FARS2: variants seen among roughly 807,000 people sequenced by gnomAD.
FARS2 encodes the protein phenylalanine--tRNA ligase, mitochondrial.
FARS2 carries 40 observed loss-of-function variants against 46.4 expected under a neutral mutation model. The observed-to-expected ratio is 0.86, with a 90% CI of 0.67 to 1.12. FARS2 has a LOEUF of 1.12. Among genes scored for constraint, FARS2 ranks in the 50% most tolerant of loss-of-function variants. FARS2 has a pLI of 0.00. For synonymous variants in FARS2, 234 were observed against 214.9 expected (o/e 1.09, Z -0.78); for missense variants, 513 against 567.9 (o/e 0.90, Z 0.98).
intron 1 of FARS2, among the ~76,000 whole-genome samples, chr6:5,362,927 C>CT (rs55686418): frequency 0.23 from 28,232 of 124,024 alleles, 3,607 homozygotes; most frequent in East Asian, 0.28. Context: ...TTCTTTCTTT[C>CT]TTTTTTTTTT....
chr6:5,617,152 T>TA (rs1481631009), intron 6 of FARS2, among the ~76,000 whole-genome samples: 5 of 151,784 alleles, frequency 3.3e-5, no homozygotes, highest in South Asian at 2.1e-4. Context: ...AATATTTTTC[T>TA]AAAAAAAATA....
upstream of FARS2, among the ~76,000 whole-genome samples, chr6:5,257,442 C>T: frequency 6.6e-6 from 1 of 152,224 alleles, no homozygotes; most frequent in East Asian, 1.9e-4. Flanking sequence ...CTGTGTCCCA[C>T]ATAGGCCTGT....
intron 4 of FARS2, among the ~76,000 whole-genome samples, chr6:5,501,737 C>T (rs1007484981): frequency 2.0e-5 from 3 of 152,116 alleles, no homozygotes; most frequent in African/African-American, 4.8e-5. Context: ...TCAAGTGGTC[C>T]GCCCGCCTCA....
At chr6:5,666,384 C>T (rs1049653491) in intron 6 of FARS2, among the ~76,000 whole-genome samples, 4 of 152,284 alleles carry the variant, frequency 2.6e-5, no homozygotes, top group African/African-American at 9.6e-5. Flanking sequence ...GAAAGAAATG[C>T]CACCAACCTG....
At chr6:5,501,984 A>G (rs1394222577) in intron 4 of FARS2, among the ~76,000 whole-genome samples, 1 of 152,176 alleles carries the variant, frequency 6.6e-6, no homozygotes, top group Admixed American at 6.5e-5. Flanking sequence ...CTCTTCTCCC[A>G]GGCCTTTCAC....
intron 4 of FARS2, among the ~76,000 whole-genome samples, chr6:5,464,731 A>G (rs923916894): frequency 1.3e-5 from 2 of 152,216 alleles, no homozygotes; most frequent in Non-Finnish European, 2.9e-5. Flanking sequence ...GTACATTTTT[A>G]TAATACATGA....
chr6:5,309,025 C>T (rs188587134), intron 1 of FARS2, among the ~76,000 whole-genome samples: 36 of 152,292 alleles, frequency 2.4e-4, no homozygotes, highest in Admixed American at 3.9e-4. Flanking sequence ...CCACTGGCCC[C>T]ATCTCCAAGT....
rs1267324488 is a variant in FARS2, at chr6:5,663,374, A to G, written c.1217+50054A>G. Reference sequence around the variant, plus strand: ...AACTTTCAAAAAAATTCTTCCCAATATCTGTTTGGATGGAATCATTTGCCG... The same window carrying G: ...AACTTTCAAAAAAATTCTTCCCAATGTCTGTTTGGATGGAATCATTTGCCG... On this transcript the variant is annotated intron_variant, in intron 6 of 6. Transcript: ENST00000274680. Among the ~76,000 whole-genome samples the G allele has an allele frequency of 2.5e-4, 38 of 152,150 alleles. 1 individual carries two copies. The highest frequency in any genetic ancestry group is 2.5e-3 in the Admixed American group (38 of 15,278).
intron 6 of FARS2, among the ~76,000 whole-genome samples, chr6:5,633,134 T>C (rs1243137544): frequency 6.6e-6 from 1 of 151,646 alleles, no homozygotes; most frequent in Non-Finnish European, 1.5e-5. Context: ...ATCCAGAGAG[T>C]TTGTTTTGTT....
At chr6:5,445,316 G>A (rs963661836) in intron 4 of FARS2, among the ~76,000 whole-genome samples, 19 of 152,164 alleles carry the variant, frequency 1.2e-4, no homozygotes, top group Non-Finnish European at 1.9e-4. Flanking sequence ...CAGTGGCTCA[G>A]TTTTATTTTC....
At chr6:5,657,233 T>C (rs1777644963) in intron 6 of FARS2, among the ~76,000 whole-genome samples, 1 of 152,156 alleles carries the variant, frequency 6.6e-6, no homozygotes, top group South Asian at 2.1e-4. Flanking sequence ...ATTGTTCAGC[T>C]TCCACCCCCC....
chr6:5,634,263 A>G (rs1437020811), intron 6 of FARS2, among the ~76,000 whole-genome samples: 1 of 152,206 alleles, frequency 6.6e-6, no homozygotes, highest in Non-Finnish European at 1.5e-5. Context: ...CAATAAGTGA[A>G]TCTTTTACAA....
intron 6 of FARS2, among the ~76,000 whole-genome samples, chr6:5,744,281 C>T (rs1761520700): frequency 6.6e-6 from 1 of 152,166 alleles, no homozygotes; most frequent in African/African-American, 2.4e-5. Flanking sequence ...GCAGGACAAC[C>T]CTGTCCTCCT....
At chr6:5,576,125 A>G (rs1398072444) in intron 5 of FARS2, among the ~76,000 whole-genome samples, 1 of 152,166 alleles carries the variant, frequency 6.6e-6, no homozygotes, top group Non-Finnish European at 1.5e-5. Context: ...AGCATCCATT[A>G]ATGTTTTCTG....
At chr6:5,297,415 A>G (rs1449733842) in intron 1 of FARS2, among the ~76,000 whole-genome samples, 3 of 152,352 alleles carry the variant, frequency 2.0e-5, no homozygotes, top group Admixed American at 6.5e-5. Flanking sequence ...TGGGGGGCCA[A>G]GGCGGGTGGA....
At chr6:5,317,827 A>T (rs1349648973) in intron 1 of FARS2, among the ~76,000 whole-genome samples, 1 of 151,686 alleles carries the variant, frequency 6.6e-6, no homozygotes, top group Non-Finnish European at 1.5e-5. Context: ...AATTTTTCTC[A>T]GACAAGGTTT....
intron 3 of FARS2, among the ~76,000 whole-genome samples, chr6:5,417,286 G>A (rs1762293510): frequency 6.6e-6 from 1 of 152,008 alleles, no homozygotes; most frequent in Non-Finnish European, 1.5e-5. Flanking sequence ...GCGTGATCAT[G>A]GCCCACTGCA....
intron 3 of FARS2, among the ~76,000 whole-genome samples, chr6:5,417,033 C>G (rs555732051): frequency 6.6e-6 from 1 of 152,286 alleles, no homozygotes; most frequent in African/African-American, 2.4e-5. Flanking sequence ...TCTCCTAGGT[C>G]CTTACCATCT....
At chr6:5,483,110 G>C (rs1013439890) in intron 4 of FARS2, among the ~76,000 whole-genome samples, 2 of 152,190 alleles carry the variant, frequency 1.3e-5, no homozygotes, top group Non-Finnish European at 2.9e-5. Flanking sequence ...AGGGATGGGA[G>C]CTGGTGGATA....
Sources: gnomAD v4.1 joint callset for allele counts (sites outside exome capture counted in the v4.1 genomes callset) on GRCh38, gnomAD v4.1.1 for gene constraint, MANE v1.5 for transcripts, NCBI Gene and HGNC (gene_info 2026-07-23, HGNC 2026-07-21) for gene names.